ADK: variants seen among roughly 807,000 people sequenced by gnomAD.
The protein encoded by ADK is adenosine kinase, also known as N6,N6-dimethyladenosine kinase.
A neutral mutation model predicts 44.7 loss-of-function variants in ADK; 24 were observed. The observed-to-expected ratio is 0.54, with a 90% confidence interval of 0.39 to 0.76. ADK has a LOEUF of 0.76. ADK is among the 30% of genes least tolerant of loss of function. The pLI is 0.00. For missense variants in ADK, 321 were observed against 425.1 expected, an observed-to-expected ratio of 0.76 and a Z score of 2.15; for synonymous variants, 128 against 142.6, an observed-to-expected ratio of 0.90 and a Z score of 0.73.
chr10:74,555,154 T>G (rs1173713437), intron 7 of ADK, among the ~76,000 whole-genome samples: 1 of 152,130 alleles, frequency 6.6e-6, no homozygotes, highest in Non-Finnish European at 1.5e-5. Flanking sequence ...AAATTAGCCC[T>G]GCATGGCCCA....
At chr10:74,229,895 C>T (rs559771923) in intron 3 of ADK, among the ~76,000 whole-genome samples, 3 of 151,900 alleles carry the variant, frequency 2.0e-5, no homozygotes, top group South Asian at 2.1e-4. Context: ...CAAAAGTAGC[C>T]GGATGTGGTG....
intron 6 of ADK, among the ~76,000 whole-genome samples, chr10:74,523,109 CTTGCT>C (rs1156998199): frequency 1.3e-5 from 2 of 152,270 alleles, no homozygotes; most frequent in South Asian, 4.1e-4. Context: ...ACTTCTCTAT[CTTGCT>C]TTATTTATCA....
Position 74,250,737 on chromosome 10 carries a change from T to C in ADK, c.194+26146T>C, listed in dbSNP as rs191809355. The stretch of plus-strand genomic sequence containing the variant: ...TATAGGGTAGTAGTAGTAGTGACTT[T>C]AGAACACAGGGATGGATTAAAAATC... On this transcript the variant is annotated intron_variant, in intron 3 of 10. Transcript: ENST00000539909. 7.2e-5 allele frequency among the ~76,000 whole-genome samples: 11 copies of C among 152,224 alleles called. 1 individual carries two copies. Among genetic ancestry groups the C allele is most frequent in the Admixed American group, 5.9e-4 (9 of 15,284 alleles).
At chr10:74,335,854 C>T (rs1024264398) in intron 4 of ADK, among the ~76,000 whole-genome samples, 1 of 151,636 alleles carries the variant, frequency 6.6e-6, no homozygotes, top group African/African-American at 2.4e-5. Flanking sequence ...AACTCTTTGC[C>T]TTTTTTTTAA....
At chr10:74,503,093 C>CA (rs1365613262) in intron 6 of ADK, among the ~76,000 whole-genome samples, 2 of 152,048 alleles carry the variant, frequency 1.3e-5, no homozygotes, top group Non-Finnish European at 2.9e-5. Context: ...GTTCAGAGGT[C>CA]AACAAAGTAT....
chr10:74,345,126 T>G (rs1841718884), intron 4 of ADK, among the ~76,000 whole-genome samples: 2 of 152,238 alleles, frequency 1.3e-5, no homozygotes, highest in African/African-American at 4.8e-5. Context: ...TAATTTAATC[T>G]CTTGTTATAT....
intron 9 of ADK, among the ~76,000 whole-genome samples, chr10:74,653,657 T>C (rs1854367024): frequency 6.6e-6 from 1 of 152,218 alleles, no homozygotes; most frequent in Non-Finnish European, 1.5e-5. Context: ...TGCTTTTAAG[T>C]GCAAGAGAGA....
intron 6 of ADK, among the ~76,000 whole-genome samples, chr10:74,496,173 C>T (rs976448089): frequency 2.0e-5 from 3 of 152,118 alleles, no homozygotes; most frequent in African/African-American, 7.2e-5. Context: ...GTAATGCAGT[C>T]ACAGCTCACT....
intron 1 of ADK, among the ~76,000 whole-genome samples, chr10:74,166,990 C>T (rs1289551673): frequency 6.6e-6 from 1 of 152,128 alleles, no homozygotes; most frequent in Non-Finnish European, 1.5e-5. Context: ...AAATGTTTTC[C>T]AGACTACATG....
chr10:74,205,675 CAA>C (rs11419041), intron 2 of ADK, among the ~76,000 whole-genome samples: 22 of 85,310 alleles, frequency 2.6e-4, no homozygotes, highest in East Asian at 4.2e-4. Flanking sequence ...GAATCTGTCT[CAA>C]AAAAAAAAAA....
intron 10 of ADK, among the ~76,000 whole-genome samples, chr10:74,677,934 C>A (rs1382571633): frequency 1.6e-5 from 2 of 126,150 alleles, no homozygotes; most frequent in Non-Finnish European, 3.1e-5. Flanking sequence ...TCAAGACCAG[C>A]CTGCACAGCA....
At chr10:74,434,698 G>C (rs1310057803) in intron 6 of ADK, among the ~76,000 whole-genome samples, 1 of 152,142 alleles carries the variant, frequency 6.6e-6, no homozygotes, top group Non-Finnish European at 1.5e-5. Context: ...TGTTTCTCCT[G>C]ATTTCTTGGA....
At chr10:74,344,443 AT>A (rs1166503027) in intron 4 of ADK, 1 of 166,776 alleles carries the variant, frequency 6.0e-6, no homozygotes, top group Non-Finnish European at 1.3e-5. Context: ...CCAAAAACTC[AT>A]GACAGATGAC....
chr10:74,649,347 C>T (rs191302512), intron 9 of ADK, among the ~76,000 whole-genome samples: 37 of 152,120 alleles, frequency 2.4e-4, no homozygotes, highest in African/African-American at 8.2e-4. Flanking sequence ...TACTGTCAGC[C>T]GGGCACAGTG....
chr10:74,563,760 G>T (rs1850545196), intron 7 of ADK, among the ~76,000 whole-genome samples: 2 of 152,188 alleles, frequency 1.3e-5, no homozygotes, highest in Non-Finnish European at 2.9e-5. Context: ...AACCTTGAAA[G>T]CCACTGTGTT....
chr10:74,512,916 A>T (rs997327506), intron 6 of ADK, among the ~76,000 whole-genome samples: 4 of 151,710 alleles, frequency 2.6e-5, no homozygotes, highest in African/African-American at 9.7e-5. Context: ...TTGACTCTGA[A>T]TACTGTTTTT....
intron 1 of ADK, among the ~76,000 whole-genome samples, chr10:74,157,211 G>A (rs1229410802): frequency 1.3e-5 from 2 of 152,164 alleles, no homozygotes; most frequent in Non-Finnish European, 2.9e-5. Flanking sequence ...TGGAAGAGGG[G>A]TGGCCTATCA....
Position 74,371,843 on chromosome 10 carries a change from C to T in ADK, c.274-22298C>T, listed in dbSNP as rs550132226. 1.2e-5 allele frequency: 16 copies of T among 1,313,698 alleles called. 1 individual carries two copies. Among genetic ancestry groups the T allele is most frequent in the African/African-American group, 1.0e-4 (7 of 69,342 alleles). 81.4% of individuals were successfully genotyped at this position (1,313,698 alleles called of 1,614,324 possible). On this transcript the variant is annotated intron_variant, in intron 4 of 10. Coordinates refer to ENST00000539909, the MANE Select transcript of ADK (RefSeq NM_006721.4). ...GAGCCACTCCAATTGTTGGCCACTTCACTCCTGGAACCTTCACTAACCACA... is the reference window on the plus strand; with the variant it reads ...GAGCCACTCCAATTGTTGGCCACTTTACTCCTGGAACCTTCACTAACCACA...
At chr10:74,306,692 G>A (rs1232917230) in intron 3 of ADK, among the ~76,000 whole-genome samples, 1 of 152,104 alleles carries the variant, frequency 6.6e-6, no homozygotes. Flanking sequence ...AAAATTAAGG[G>A]TTAAGCTAGG....
Sources: gnomAD v4.1 joint callset for allele counts (sites outside exome capture counted in the v4.1 genomes callset) on GRCh38, gnomAD v4.1.1 for gene constraint, MANE v1.5 for transcripts, NCBI Gene and HGNC (gene_info 2026-07-23, HGNC 2026-07-21) for gene names.